The following CFAP299 variants were observed in gnomAD, a reference collection of about 807,000 sequenced individuals.
CFAP299 encodes cilia and flagella associated protein 299.
CFAP299 carries 21 observed loss-of-function variants against 27.0 expected under a neutral mutation model. The observed-to-expected ratio is 0.78, with a 90% CI of 0.55 to 1.12. The LOEUF is 1.12. Among genes scored for constraint, CFAP299 ranks in the 50% most tolerant of loss-of-function variants. CFAP299 has a pLI of 0.00. For missense variants in CFAP299, 310 were observed against 276.6 expected (o/e 1.12, Z -0.86); for synonymous variants, 104 against 98.1 (o/e 1.06, Z -0.36).
At chr4:80,386,926 C>G in intron 2 of CFAP299, 2 of 845,788 alleles carry the variant, frequency 2.4e-6, no homozygotes, top group Non-Finnish European at 4.1e-6. Flanking sequence ...TGGTTGTGAG[C>G]GCGCAGTTTG....
intron 3 of CFAP299, among the ~76,000 whole-genome samples, chr4:80,596,691 C>T (rs1737078494): frequency 1.3e-5 from 2 of 151,902 alleles, no homozygotes; most frequent in Non-Finnish European, 2.9e-5. Context: ...TGATCACTAC[C>T]CAGAATAAGA....
chr4:80,644,543 C>G (rs910089060), intron 3 of CFAP299, among the ~76,000 whole-genome samples: 1 of 152,152 alleles, frequency 6.6e-6, no homozygotes, highest in African/African-American at 2.4e-5. Context: ...ACGTCGTGGA[C>G]TTTTTATACT....
chr4:80,663,598 G>A (rs1436840608), intron 3 of CFAP299, among the ~76,000 whole-genome samples: 3 of 152,164 alleles, frequency 2.0e-5, no homozygotes, highest in Admixed American at 6.5e-5. Flanking sequence ...ATAGACATAC[G>A]TGTGCATGTG....
chr4:80,471,105 G>C (rs1729970208), intron 2 of CFAP299, among the ~76,000 whole-genome samples: 1 of 152,092 alleles, frequency 6.6e-6, no homozygotes, highest in Non-Finnish European at 1.5e-5. Flanking sequence ...TGAGACTTGA[G>C]AAGTTACATA....
chr4:80,752,182 C>T (rs1456703226), intron 3 of CFAP299, among the ~76,000 whole-genome samples: 1 of 151,950 alleles, frequency 6.6e-6, no homozygotes, highest in Non-Finnish European at 1.5e-5. Context: ...TAGGCCATCT[C>T]CTCCACCCCC....
intron 3 of CFAP299, among the ~76,000 whole-genome samples, chr4:80,665,453 T>A (rs1490002170): frequency 6.6e-6 from 1 of 152,202 alleles, no homozygotes; most frequent in Non-Finnish European, 1.5e-5. Flanking sequence ...GTTTTCACTT[T>A]TTTTACTCAG....
chr4:80,800,248 AAT>A (rs1424503995), intron 3 of CFAP299, among the ~76,000 whole-genome samples: 1 of 71,572 alleles, frequency 1.4e-5, no homozygotes, highest in African/African-American at 6.0e-5. Context: ...TATAATATAT[AAT>A]ATATATTATA....
intron 4 of CFAP299, among the ~76,000 whole-genome samples, chr4:80,895,421 G>A (rs145970689): frequency 1.3e-5 from 2 of 152,008 alleles, no homozygotes; most frequent in East Asian, 1.9e-4. Flanking sequence ...TGTAGAATTT[G>A]GTTAATCAAC....
intron 2 of CFAP299, among the ~76,000 whole-genome samples, chr4:80,473,231 C>A (rs1730098464): frequency 6.6e-6 from 1 of 151,966 alleles, no homozygotes; most frequent in Non-Finnish European, 1.5e-5. Flanking sequence ...CAAGCTGAGA[C>A]CTTACAGATG....
At chr4:80,444,375 C>T (rs986823315) in intron 2 of CFAP299, among the ~76,000 whole-genome samples, 1 of 152,106 alleles carries the variant, frequency 6.6e-6, no homozygotes, top group African/African-American at 2.4e-5. Context: ...AATAACACCA[C>T]ACATCTACAA....
chr4:80,708,427 A>G (rs992261051), intron 3 of CFAP299, among the ~76,000 whole-genome samples: 1 of 152,070 alleles, frequency 6.6e-6, no homozygotes, highest in African/African-American at 2.4e-5. Context: ...ACTGAGTCCA[A>G]CATTCCATGT....
chr4:80,578,426 T>C (rs1735986665), intron 2 of CFAP299, among the ~76,000 whole-genome samples: 1 of 152,170 alleles, frequency 6.6e-6, no homozygotes, highest in Admixed American at 6.5e-5. Flanking sequence ...TTTTCTCTGC[T>C]TCGGATAGCT....
At chr4:80,487,748 C>T (rs186931093) in intron 2 of CFAP299, among the ~76,000 whole-genome samples, 4 of 152,250 alleles carry the variant, frequency 2.6e-5, no homozygotes, top group Admixed American at 2.6e-4. Context: ...TCCTGCATTG[C>T]AACTATCAAG....
intron 2 of CFAP299, among the ~76,000 whole-genome samples, chr4:80,518,957 C>T (rs956006636): frequency 1.3e-5 from 2 of 151,996 alleles, no homozygotes; most frequent in African/African-American, 4.8e-5. Context: ...GAAGTGAATG[C>T]TGGAAAGTTA....
rs143544862 is a variant in CFAP299, at chr4:80,405,184, A to G, written c.242+42300A>G. On this transcript the variant is annotated intron_variant, in intron 2 of 5. Transcript: ENST00000358105. ...GCAAGAACTTCTGCAGGAAAAACAT[A>G]CCAGACGCTGGCCTGTTAGCAGTGT... Among the ~76,000 whole-genome samples, 941 of 152,276 alleles carry G rather than the reference A, an allele frequency of 6.2e-3. 2 individuals are homozygous for G. Among genetic ancestry groups the G allele is most frequent in the Middle Eastern group, 0.024 (7 of 294 alleles).
At chr4:80,540,399 A>G (rs143655855) in intron 2 of CFAP299, among the ~76,000 whole-genome samples, 35 of 152,356 alleles carry the variant, frequency 2.3e-4, no homozygotes, top group Admixed American at 9.1e-4. Context: ...AAGAAATTGT[A>G]AGCAGGTTCA....
At chr4:80,700,485 G>T (rs748704135) in intron 3 of CFAP299, among the ~76,000 whole-genome samples, 2 of 152,056 alleles carry the variant, frequency 1.3e-5, no homozygotes, top group Non-Finnish European at 2.9e-5. Flanking sequence ...GAAAGCTAAG[G>T]TAGTAGTACT....
intron 2 of CFAP299, among the ~76,000 whole-genome samples, chr4:80,392,784 G>T (rs747237312): frequency 6.6e-6 from 1 of 151,952 alleles, no homozygotes; most frequent in Non-Finnish European, 1.5e-5. Flanking sequence ...AAAAAGTGTA[G>T]CATATATAAT....
At chr4:80,928,386 A>G (rs1368807975) in intron 4 of CFAP299, among the ~76,000 whole-genome samples, 1 of 152,100 alleles carries the variant, frequency 6.6e-6, no homozygotes. Flanking sequence ...TCTTTTAATG[A>G]AAATTCTTAT....
Sources: gnomAD v4.1 joint callset for allele counts (sites outside exome capture counted in the v4.1 genomes callset) on GRCh38, gnomAD v4.1.1 for gene constraint, MANE v1.5 for transcripts, NCBI Gene and HGNC (gene_info 2026-07-23, HGNC 2026-07-21) for gene names.